Variants in CNTNAP2 observed in about 807,000 individuals in gnomAD.
CNTNAP2 encodes the protein contactin-associated protein-like 2.
Under a neutral mutation model 155.2 loss-of-function variants are expected in CNTNAP2, and 98 were observed. The observed-to-expected ratio is 0.63, with a 90% CI of 0.54 to 0.75. CNTNAP2 has a LOEUF of 0.75. Ranked by LOEUF, CNTNAP2 falls within the 30% of genes least tolerant of loss-of-function variation. CNTNAP2 has a pLI of 0.00. For missense variants in CNTNAP2, 1,727 were observed against 1,688.1 expected (o/e 1.02, Z -0.40); for synonymous variants, 651 against 631.2 (o/e 1.03, Z -0.47).
intron 1 of CNTNAP2, among the ~76,000 whole-genome samples, chr7:146,469,546 G>T (rs1796764046): frequency 1.4e-5 from 2 of 138,454 alleles, no homozygotes; most frequent in African/African-American, 2.7e-5. Flanking sequence ...TTTTTAAGAT[G>T]GAATCTTGCT....
intron 21 of CNTNAP2, among the ~76,000 whole-genome samples, chr7:148,331,924 C>G (rs1473897562): frequency 6.6e-6 from 1 of 152,124 alleles, no homozygotes; most frequent in Non-Finnish European, 1.5e-5. Flanking sequence ...GAAAATGGAG[C>G]TGCCTGCCTG....
intron 8 of CNTNAP2, among the ~76,000 whole-genome samples, chr7:147,175,795 C>A (rs1049890554): frequency 6.6e-6 from 1 of 152,180 alleles, no homozygotes; most frequent in African/African-American, 2.4e-5. Flanking sequence ...TGGTTCTCAG[C>A]AGATCCAGCT....
chr7:147,526,091 C>A (rs921899203), intron 11 of CNTNAP2, among the ~76,000 whole-genome samples: 2 of 150,508 alleles, frequency 1.3e-5, no homozygotes, highest in Non-Finnish European at 2.9e-5. Context: ...ACTCGAGAGG[C>A]TGAGGCAGGA....
chr7:147,297,920 C>T (rs967604078), intron 8 of CNTNAP2, among the ~76,000 whole-genome samples: 2 of 152,130 alleles, frequency 1.3e-5, no homozygotes, highest in Non-Finnish European at 2.9e-5. Flanking sequence ...TATTTTCTTC[C>T]TTTTGGGTAT....
intron 3 of CNTNAP2, among the ~76,000 whole-genome samples, chr7:146,881,821 T>G (rs1009538816): frequency 1.3e-5 from 2 of 151,334 alleles, no homozygotes; most frequent in Non-Finnish European, 2.9e-5. Context: ...TTTTCTACCT[T>G]TTATTTTAGA....
intron 1 of CNTNAP2, among the ~76,000 whole-genome samples, chr7:146,671,471 G>A (rs1585035175): frequency 1.7e-5 from 2 of 117,152 alleles, no homozygotes; most frequent in South Asian, 6.8e-4. Flanking sequence ...ATATACAAAA[G>A]CAACCCTGTA....
chr7:146,899,674 A>G (rs1468946711), intron 3 of CNTNAP2, among the ~76,000 whole-genome samples: 1 of 152,218 alleles, frequency 6.6e-6, no homozygotes, highest in African/African-American at 2.4e-5. Context: ...AAGAAGAACC[A>G]GGAAATCCAA....
intron 2 of CNTNAP2, among the ~76,000 whole-genome samples, chr7:146,825,321 T>G (rs1457671421): frequency 1.3e-5 from 2 of 152,072 alleles, no homozygotes; most frequent in Non-Finnish European, 2.9e-5. Flanking sequence ...TTCATAGGAA[T>G]CAGAGGGATT....
At chr7:147,051,282 T>C (rs555185316) in intron 4 of CNTNAP2, among the ~76,000 whole-genome samples, 3 of 151,562 alleles carry the variant, frequency 2.0e-5, no homozygotes, top group East Asian at 3.9e-4. Flanking sequence ...AACCTGTGTG[T>C]TCCTACTTAA....
intron 3 of CNTNAP2, among the ~76,000 whole-genome samples, chr7:146,883,797 C>A (rs1795601515): frequency 6.6e-6 from 1 of 152,112 alleles, no homozygotes; most frequent in Non-Finnish European, 1.5e-5. Flanking sequence ...TCTCCAATTT[C>A]TCCAAAATCA....
intron 1 of CNTNAP2, among the ~76,000 whole-genome samples, chr7:146,482,384 ATG>A (rs891678331): frequency 5.4e-4 from 78 of 144,110 alleles, no homozygotes; most frequent in African/African-American, 1.2e-3. Flanking sequence ...ATATATATGT[ATG>A]TGTGTGTGTG....
intron 3 of CNTNAP2, among the ~76,000 whole-genome samples, chr7:146,928,629 G>A (rs1365170643): frequency 3.3e-5 from 5 of 152,120 alleles, no homozygotes; most frequent in East Asian, 1.9e-4. Context: ...GAAGCAGGGC[G>A]AGGCATTGCC....
chr7:146,271,018 T>C (rs1158862717), intron 1 of CNTNAP2, among the ~76,000 whole-genome samples: 2 of 152,158 alleles, frequency 1.3e-5, no homozygotes, highest in Non-Finnish European at 2.9e-5. Flanking sequence ...TGGAGTCAAA[T>C]GTAAGCATTT....
intron 13 of CNTNAP2, among the ~76,000 whole-genome samples, chr7:147,837,204 G>A (rs73460143): frequency 0.1 from 15,710 of 152,194 alleles, 888 homozygotes; most frequent in Non-Finnish European, 0.13. Flanking sequence ...ATGTTGCTGG[G>A]GAGGCCCCAC....
intron 8 of CNTNAP2, among the ~76,000 whole-genome samples, chr7:147,194,402 G>A (rs1267244920): frequency 6.6e-6 from 1 of 152,176 alleles, no homozygotes; most frequent in Non-Finnish European, 1.5e-5. Context: ...ACGTGGGCAT[G>A]TGTCTTTATA....
chr7:148,014,522 A>G (rs1484906053), intron 15 of CNTNAP2, among the ~76,000 whole-genome samples: 1 of 152,160 alleles, frequency 6.6e-6, no homozygotes, highest in Non-Finnish European at 1.5e-5. Context: ...CTAAATCCAT[A>G]CTTCAAACTC....
At chr7:147,635,290 A>G (rs556128397) in intron 12 of CNTNAP2, among the ~76,000 whole-genome samples, 1 of 151,330 alleles carries the variant, frequency 6.6e-6, no homozygotes, top group African/African-American at 2.4e-5. Context: ...TTTTAATCGA[A>G]TTTTTAAAAC....
intron 3 of CNTNAP2, among the ~76,000 whole-genome samples, chr7:146,907,698 G>A (rs1796167922): frequency 6.7e-6 from 1 of 150,210 alleles, no homozygotes; most frequent in East Asian, 2.0e-4. Flanking sequence ...GCAAAATCAT[G>A]CCAAAATGTA....
At chr7:146,559,506 A>C (rs1351220440) in intron 1 of CNTNAP2, among the ~76,000 whole-genome samples, 1 of 151,864 alleles carries the variant, frequency 6.6e-6, no homozygotes, top group African/African-American at 2.4e-5. Flanking sequence ...AGTGCGGAGG[A>C]TGCAGGGAGC....
Sources: allele counts gnomAD v4.1 joint callset (sites outside exome capture counted in the v4.1 genomes callset), GRCh38; gene constraint gnomAD v4.1.1; transcripts MANE v1.5; gene names NCBI Gene and HGNC (gene_info 2026-07-23, HGNC 2026-07-21).